NLK: variants seen among roughly 807,000 people sequenced by gnomAD.
NLK encodes the protein nemo like kinase.
Under a neutral mutation model 59.0 loss-of-function variants are expected in NLK, and 11 were observed. The ratio of observed to expected loss-of-function variants is 0.19; its 90% CI spans 0.12 to 0.31. NLK has a LOEUF of 0.31. Ranked by LOEUF, NLK falls within the 10% of genes least tolerant of loss-of-function variation. The pLI is 1.00. For synonymous variants in NLK, 235 were observed against 235.9 expected (o/e 1.00, Z 0.03); for missense variants, 410 against 661.1 (o/e 0.62, Z 4.16).
chr17:28,045,036 T>C (rs1481154181), intron 1 of NLK, among the ~76,000 whole-genome samples: 1 of 152,216 alleles, frequency 6.6e-6, no homozygotes, highest in Non-Finnish European at 1.5e-5. Flanking sequence ...AATAAAGAAC[T>C]GGAGTGCTGA....
intron 1 of NLK, among the ~76,000 whole-genome samples, chr17:28,108,407 T>TA (rs1385420325): frequency 3.3e-5 from 5 of 151,702 alleles, no homozygotes; most frequent in Admixed American, 6.6e-5. Context: ...ATATAAAAAT[T>TA]AAAAAAAACA....
At position 28,191,199 on chromosome 17, in the gene NLK, G is replaced by A; in HGVS notation, c.1415G>A (p.Ser472Asn). ...GATGACACTTTCGAGAAGAACCTCAGTTCTGTCCGACAGGTTAAAGGTGAG... is the reference window on the plus strand; with the variant it reads ...GATGACACTTTCGAGAAGAACCTCAATTCTGTCCGACAGGTTAAAGGTGAG... ...KFDDTFEKNL[S>N]SVRQVKEIIH... is the part of the protein sequence containing the mutation. Residue 472 changes from serine to asparagine, a missense_variant, in exon 9 of 11, where the codon AGT (serine) becomes AAT (asparagine). Physicochemically the swap from Ser to Asn is conservative, Grantham distance 46. This residue lies in a region of NLK where 150 missense variants were observed against 244.3 expected (regional missense o/e 0.61). Transcript: ENST00000407008. 1 of 1,611,740 alleles carries A rather than the reference G, an allele frequency of 6.2e-7. No homozygotes were observed. Among genetic ancestry groups the A allele is most frequent in the Non-Finnish European group, 8.5e-7 (1 of 1,179,124 alleles).
chr17:28,045,143 T>C (rs1909008213), intron 1 of NLK, among the ~76,000 whole-genome samples: 2 of 152,228 alleles, frequency 1.3e-5, no homozygotes, highest in African/African-American at 4.8e-5. Context: ...CTAGAGGTTT[T>C]TAATTGATTG....
the NLK span, among the ~76,000 whole-genome samples, chr17:28,204,305 G>A: frequency 2.6e-5 from 4 of 152,184 alleles, no homozygotes; most frequent in South Asian, 8.3e-4. Flanking sequence ...AGTTCTGTGG[G>A]GTGAGGTATG....
chr17:28,151,505 C>T (rs1907478369), intron 3 of NLK, among the ~76,000 whole-genome samples: 1 of 152,090 alleles, frequency 6.6e-6, no homozygotes, highest in African/African-American at 2.4e-5. Flanking sequence ...AAAACGTATT[C>T]TCTGCAAAGT....
chr17:28,061,652 A>C (rs1350878566), intron 1 of NLK, among the ~76,000 whole-genome samples: 1 of 151,524 alleles, frequency 6.6e-6, no homozygotes, highest in African/African-American at 2.4e-5. Flanking sequence ...CAAAGAGGTC[A>C]TTTTGTCTGG....
intron 7 of NLK, among the ~76,000 whole-genome samples, chr17:28,184,920 C>T (rs1305954190): frequency 6.6e-6 from 1 of 152,076 alleles, no homozygotes. Context: ...TGCACCCTAG[C>T]CTGGGTGAGA....
At chr17:28,188,354 GA>G (rs988456432) in intron 8 of NLK, among the ~76,000 whole-genome samples, 3 of 152,184 alleles carry the variant, frequency 2.0e-5, no homozygotes, top group Admixed American at 6.5e-5. Flanking sequence ...ATTAGCTTTT[GA>G]TCTATATTAA....
intron 1 of NLK, among the ~76,000 whole-genome samples, chr17:28,068,285 A>G (rs1205469143): frequency 2.6e-5 from 4 of 151,982 alleles, no homozygotes; most frequent in South Asian, 2.1e-4. Context: ...TCTTTAACCT[A>G]TAGATTGCTT....
At chr17:28,108,654 T>C (rs1339666184) in intron 1 of NLK, among the ~76,000 whole-genome samples, 1 of 152,232 alleles carries the variant, frequency 6.6e-6, no homozygotes, top group African/African-American at 2.4e-5. Context: ...TATATGTGAA[T>C]AATAAAACTT....
At chr17:28,060,128 C>G (rs963046684) in intron 1 of NLK, among the ~76,000 whole-genome samples, 1 of 152,044 alleles carries the variant, frequency 6.6e-6, no homozygotes. Flanking sequence ...GGATACTTAG[C>G]AAGCAGTGGG....
intron 3 of NLK, among the ~76,000 whole-genome samples, chr17:28,157,366 T>G (rs1453060342): frequency 6.6e-6 from 1 of 151,872 alleles, no homozygotes; most frequent in South Asian, 2.1e-4. Context: ...AATTTTTGTA[T>G]TTTTAGTAGA....
chr17:28,049,098 CT>C (rs899418940), intron 1 of NLK, among the ~76,000 whole-genome samples: 1 of 152,182 alleles, frequency 6.6e-6, no homozygotes, highest in Non-Finnish European at 1.5e-5. Context: ...AGTTGTAACA[CT>C]GTCAGTGAGC....
intron 1 of NLK, among the ~76,000 whole-genome samples, chr17:28,072,207 T>A (rs1006535479): frequency 1.3e-5 from 2 of 152,198 alleles, no homozygotes; most frequent in African/African-American, 4.8e-5. Context: ...ATTTTATATG[T>A]CTCTGATATA....
chr17:28,044,961 A>G (rs1032816071), intron 1 of NLK, among the ~76,000 whole-genome samples: 1 of 152,232 alleles, frequency 6.6e-6, no homozygotes, highest in Non-Finnish European at 1.5e-5. Context: ...TTACATTTCT[A>G]TCAAAAAGTG....
chr17:28,165,615 G>A (rs1179967755), intron 5 of NLK, among the ~76,000 whole-genome samples: 3 of 152,260 alleles, frequency 2.0e-5, no homozygotes, highest in South Asian at 2.1e-4. Context: ...TATCGTGAAT[G>A]TATTTTGTTT....
At chr17:28,121,521 G>A (rs1264429749) in intron 1 of NLK, among the ~76,000 whole-genome samples, 1 of 3,878 alleles carries the variant, frequency 2.6e-4, no homozygotes, top group East Asian at 5.1e-3. Flanking sequence ...TTTTTTTTTT[G>A]AGACAGAGTC....
At chr17:28,120,268 G>GTGTGTA (rs1337330090) in intron 1 of NLK, among the ~76,000 whole-genome samples, 1 of 147,046 alleles carries the variant, frequency 6.8e-6, no homozygotes, top group East Asian at 2.0e-4. Flanking sequence ...GTGTGTGTGT[G>GTGTGTA]TGTGTATGTG....
intron 1 of NLK, among the ~76,000 whole-genome samples, chr17:28,074,412 A>T (rs990440639): frequency 3.9e-5 from 6 of 152,158 alleles, no homozygotes; most frequent in African/African-American, 9.7e-5. Flanking sequence ...TTTTTAAAAA[A>T]TTTTTTTAAA....
Sources: allele counts gnomAD v4.1 joint callset (sites outside exome capture counted in the v4.1 genomes callset), GRCh38; gene constraint gnomAD v4.1.1; regional missense constraint gnomAD v4.1.1; transcripts MANE v1.5; gene names NCBI Gene and HGNC (gene_info 2026-07-23, HGNC 2026-07-21).